Variants in POM121C observed in about 807,000 individuals in gnomAD.
The protein encoded by POM121C is POM121 transmembrane nucleoporin C, also known as nuclear envelope pore membrane protein POM 121C.
POM121C carries 20 observed loss-of-function variants against 66.4 expected under a neutral mutation model. The ratio of observed to expected loss-of-function variants is 0.30; its 90% confidence interval spans 0.21 to 0.44. POM121C has a LOEUF of 0.44. Ranked by LOEUF, POM121C falls within the 20% of genes least tolerant of loss-of-function variation. The pLI, the probability that POM121C is intolerant of heterozygous loss-of-function variation, is 1.00. For synonymous variants in POM121C, 286 were observed against 528.0 expected, an observed-to-expected ratio of 0.54 and a Z score of 6.28; for missense variants, 580 against 1,225.7, an observed-to-expected ratio of 0.47 and a Z score of 7.87.
In POM121C at chr7:75,486,251, G is replaced by A. The variant is rs1254521450; in HGVS notation, c.-845C>T. ...CTCGTCCACTAGAAGCCAAAGCCTGGGAACGAGAGCAAGCGATGACCTGAA... is the reference window on the plus strand; with the variant it reads ...CTCGTCCACTAGAAGCCAAAGCCTGAGAACGAGAGCAAGCGATGACCTGAA... On this transcript the variant is annotated 5_prime_UTR_variant, in exon 1 of 15. Transcript: ENST00000615331. 3.2e-5 allele frequency: 9 copies of A among 277,822 alleles called. No individual in the cohort carries two copies. The highest frequency in any genetic ancestry group is 1.6e-4 in the Admixed American group (3 of 18,210). The allele number at this position is 277,822 out of a possible 1,614,324, so 17.2% of individuals were successfully genotyped here.
intron 5 of POM121C, among the ~76,000 whole-genome samples, chr7:75,440,378 C>A (rs1790591060): frequency 6.6e-6 from 1 of 151,040 alleles, no homozygotes. Flanking sequence ...CCATCCTGGC[C>A]AATATGGTGA....
chr7:75,440,819 C>T, intron 5 of POM121C, 135 bp downstream of exon 5: 1 of 1,456,606 alleles, frequency 6.9e-7, no homozygotes, highest in Non-Finnish European at 9.4e-7. Context: ...TAGGTTCTCT[C>T]ATGAAAGCCA....
At position 75,441,098 on chromosome 7, in the gene POM121C, C is replaced by G. The variant is rs200521520; in HGVS notation, c.83G>C (p.Ser28Thr). 2.6e-5 allele frequency: 42 copies of G among 1,613,844 alleles called. No homozygotes were observed. The highest frequency in any genetic ancestry group is 1.4e-5 in the Non-Finnish European group (16 of 1,179,890). The change falls in exon 5 of 15, where the codon AGC becomes ACC. Residue 28 changes from serine (S) to threonine (T), a missense_variant. Transcript: ENST00000615331. ...SRSAIPEQII[S>T]STLSSPSSNA... Reference sequence around the variant, plus strand: ...ACTTGATGGTGACGACAGTGTTGAGCTGATTATCTGCTCTGGTCTATAATG... The same window carrying G: ...ACTTGATGGTGACGACAGTGTTGAGGTGATTATCTGCTCTGGTCTATAATG...
intron 3 of POM121C, among the ~76,000 whole-genome samples, chr7:75,473,418 T>C (rs1791945307): frequency 6.6e-6 from 1 of 151,840 alleles, no homozygotes; most frequent in South Asian, 2.1e-4. Flanking sequence ...ATGTCTACTA[T>C]GGACAGAGCA....
At chr7:75,471,507 A>G (rs1289994177) in intron 3 of POM121C, among the ~76,000 whole-genome samples, 2 of 151,644 alleles carry the variant, frequency 1.3e-5, no homozygotes, top group Non-Finnish European at 2.9e-5. Flanking sequence ...CGAGACCTTG[A>G]CTCTTAAAAA....
chr7:75,461,257 G>GA (rs1791431850), intron 3 of POM121C, among the ~76,000 whole-genome samples: 1 of 151,812 alleles, frequency 6.6e-6, no homozygotes, highest in African/African-American at 2.4e-5. Context: ...CCATTCACAG[G>GA]AAAAAAACAG....
intron 7 of POM121C, among the ~76,000 whole-genome samples, chr7:75,431,598 C>T (rs1422605041): frequency 7.9e-5 from 8 of 100,932 alleles, no homozygotes; most frequent in Non-Finnish European, 9.5e-5. Context: ...AGTGAAACTC[C>T]GTCTCAAAAA....
chr7:75,457,204 A>C (rs141812611), intron 3 of POM121C, among the ~76,000 whole-genome samples: 44 of 145,114 alleles, frequency 3.0e-4, no homozygotes, highest in South Asian at 2.6e-3. Flanking sequence ...TAAATAAATA[A>C]ATACATGAAG....
Position 75,419,460 on chromosome 7 carries a change from G to C in POM121C, c.2744-18C>G, listed in dbSNP as rs1554470312. ...GGCGGTGCCTGGAATGAAGAGAACAGAGAGCTAGCCAGTGAGCAGAGGGCG... is the reference window on the plus strand; with the variant it reads ...GGCGGTGCCTGGAATGAAGAGAACACAGAGCTAGCCAGTGAGCAGAGGGCG... On this transcript the variant is annotated intron_variant, in intron 13 of 14. Transcript: ENST00000615331. The C allele has an allele frequency of 6.2e-7, 1 of 1,612,740 alleles. No individual in the cohort carries two copies. Among genetic ancestry groups the C allele is most frequent in the Non-Finnish European group, 8.5e-7 (1 of 1,179,490 alleles).
At chr7:75,469,491 G>A (rs1261907293) in intron 3 of POM121C, among the ~76,000 whole-genome samples, 1 of 152,132 alleles carries the variant, frequency 6.6e-6, no homozygotes, top group Non-Finnish European at 1.5e-5. Flanking sequence ...CTGGAGTGCT[G>A]CCTTATAACC....
At position 75,425,681 on chromosome 7, in the gene POM121C, A is replaced by G; in HGVS notation, c.600T>C (p.Ser200=). 1.2e-6 allele frequency: 2 copies of G among 1,612,670 alleles called. No homozygotes were observed. Among genetic ancestry groups the G allele is most frequent in the Non-Finnish European group, 1.7e-6 (2 of 1,179,414 alleles). ...TGTCTGCTGCCAATGGAGTTGAAGA[A>G]CTGGAATGATGACACAGCTCTTCTT... ...IREEELCHHS[S]SSTPLAADKE... Residue 200 remains serine, a synonymous_variant, in exon 9 of 15, where the codon AGT becomes AGC. Transcript: ENST00000615331.
At chr7:75,425,423 C>T (rs1554471591) in intron 9 of POM121C, 3 of 1,240,746 alleles carry the variant, frequency 2.4e-6, no homozygotes, top group Non-Finnish European at 3.3e-6. Flanking sequence ...TCAAACTGAG[C>T]TTACCTCTAT....
At chr7:75,440,835 G>A (rs1790614837) in intron 5 of POM121C, 119 bp downstream of exon 5, 20 of 1,530,630 alleles carry the variant, frequency 1.3e-5, no homozygotes, top group Admixed American at 1.8e-5. Context: ...AGCCAAAGAA[G>A]GAGGCCTATG....
intron 7 of POM121C, among the ~76,000 whole-genome samples, chr7:75,427,698 A>T (rs1790011580): frequency 6.6e-6 from 1 of 152,178 alleles, no homozygotes; most frequent in African/African-American, 2.4e-5. Flanking sequence ...CTGTCACCTC[A>T]GACCGTCTTT....
At chr7:75,481,781 G>A (rs1240472769) in intron 1 of POM121C, among the ~76,000 whole-genome samples, 1 of 152,128 alleles carries the variant, frequency 6.6e-6, no homozygotes, top group Non-Finnish European at 1.5e-5. Context: ...AGCCATAAAC[G>A]TGCCAGCCTA....
intron 12 of POM121C, among the ~76,000 whole-genome samples, chr7:75,423,607 C>T (rs1372303955): frequency 3.3e-5 from 5 of 151,600 alleles, no homozygotes; most frequent in African/African-American, 1.2e-4. Context: ...CCCAGGTTAC[C>T]GTCTGATAAA....
In POM121C at chr7:75,421,586, G is replaced by A. The variant is rs1284761655; in HGVS notation, c.2666C>T (p.Ala889Val). 6.2e-6 allele frequency: 10 copies of A among 1,613,278 alleles called. No individual in the cohort carries two copies. Among genetic ancestry groups the A allele is most frequent in the Non-Finnish European group, 8.5e-6 (10 of 1,179,840 alleles). The stretch of plus-strand genomic sequence containing the variant: ...TGTGCTCTGGCCGGTGGTGCCCAGG[G>A]CGTTCTGACCTAAGCCCCCTGTGAA... The part of the protein sequence containing the change: ...TPFTGGLGQN[A>V]LGTTGQSTPF... The change falls in exon 13 of 15, where the codon GCC becomes GTC. Residue 889 changes from alanine (A) to valine (V), a missense_variant. Ala to Val is a moderately conservative substitution (Grantham distance 64). Coordinates refer to ENST00000615331, the MANE Select transcript of POM121C (RefSeq NM_001099415.3).
intron 7 of POM121C, among the ~76,000 whole-genome samples, chr7:75,436,044 C>A (rs1380223519): frequency 7.7e-6 from 1 of 129,238 alleles, no homozygotes; most frequent in African/African-American, 2.8e-5. Context: ...GAGTAAGACT[C>A]CGTCTCAAAA....
Position 75,439,138 on chromosome 7 carries a change from A to G in POM121C, c.308+6T>C. 1 of 1,614,204 alleles carries G rather than the reference A, an allele frequency of 6.2e-7. No individual in the cohort carries two copies. Among genetic ancestry groups the G allele is most frequent in the Non-Finnish European group, 8.5e-7 (1 of 1,180,000 alleles). ...TGGTATTTCATCTGGATGGACTCGC[A>G]CTTACTTAGGCACAAAAGAAGCGGG... On this transcript the variant is annotated splice_donor_region_variant and intron_variant, in intron 6 of 14. Coordinates refer to ENST00000615331, the MANE Select transcript of POM121C (RefSeq NM_001099415.3).
Sources: allele counts gnomAD v4.1 joint callset (sites outside exome capture counted in the v4.1 genomes callset), GRCh38; gene constraint gnomAD v4.1.1; transcripts MANE v1.5; gene names NCBI Gene and HGNC (gene_info 2026-07-23, HGNC 2026-07-21).